ATP8B4: variants seen among roughly 807,000 people sequenced by gnomAD.
The protein encoded by ATP8B4 is probable phospholipid-transporting ATPase IM.
Under a neutral mutation model 145.6 loss-of-function variants are expected in ATP8B4, and 133 were observed. The ratio of observed to expected loss-of-function variants is 0.91; its 90% confidence interval spans 0.79 to 1.05. ATP8B4 has a LOEUF of 1.05. ATP8B4 is among the 50% of genes least tolerant of loss of function. The probability of loss-of-function intolerance (pLI) is 0.00; values close to 1 mark genes in which losing one functional copy is unlikely to be tolerated. For missense variants in ATP8B4, 1,458 were observed against 1,425.2 expected (o/e 1.02, Z -0.37); for synonymous variants, 507 against 492.9 (o/e 1.03, Z -0.38).
At chr15:49,915,972 T>A (rs535496151) in intron 20 of ATP8B4, among the ~76,000 whole-genome samples, 2 of 152,038 alleles carry the variant, frequency 1.3e-5, no homozygotes, top group African/African-American at 4.8e-5. Flanking sequence ...CAGAGACATA[T>A]TTGGGAAGCC....
At chr15:50,043,219 G>C (rs1431448913) in intron 5 of ATP8B4, among the ~76,000 whole-genome samples, 1 of 152,156 alleles carries the variant, frequency 6.6e-6, no homozygotes, top group Non-Finnish European at 1.5e-5. Flanking sequence ...AATTTGTCTG[G>C]ATTTAGAATG....
chr15:50,119,698 G>A (rs1272608068), upstream of ATP8B4, among the ~76,000 whole-genome samples: 1 of 149,376 alleles, frequency 6.7e-6, no homozygotes, highest in African/African-American at 2.5e-5. Flanking sequence ...AAATCTGTTT[G>A]CAGTTCCCAC....
chr15:49,923,311 T>A (rs956471315), intron 17 of ATP8B4, 68 bp downstream of exon 17: 141 of 1,110,122 alleles, frequency 1.3e-4, no homozygotes, highest in Non-Finnish European at 1.5e-4. Context: ...CTATTTTTTT[T>A]AAACAAGACC....
At chr15:49,890,927 T>C (rs1370761363) in intron 23 of ATP8B4, among the ~76,000 whole-genome samples, 1 of 152,222 alleles carries the variant, frequency 6.6e-6, no homozygotes, top group Non-Finnish European at 1.5e-5. Context: ...ACACCTGCTC[T>C]AGAACAGGCT....
intron 1 of ATP8B4, among the ~76,000 whole-genome samples, chr15:50,158,034 GAC>G (rs1289880203): frequency 2.0e-5 from 3 of 152,248 alleles, no homozygotes; most frequent in Admixed American, 6.5e-5. Context: ...CGGGATTGCA[GAC>G]GGAGTCTCGT....
chr15:50,039,660 G>A (rs2051119993), intron 5 of ATP8B4, among the ~76,000 whole-genome samples: 1 of 152,132 alleles, frequency 6.6e-6, no homozygotes. Context: ...AGATGAATAG[G>A]GGTAGTCTTT....
At chr15:50,119,042 AAGAAAC>A (rs879393805) in intron 1 of ATP8B4, 75 bp downstream of exon 1, 1 of 152,200 alleles carries the variant, frequency 6.6e-6, no homozygotes, top group Non-Finnish European at 1.5e-5. Context: ...ATCTGGAGAA[AAGAAAC>A]AGATCGTTCC....
chr15:50,063,658 CT>C (rs2153626334), intron 3 of ATP8B4, among the ~76,000 whole-genome samples: 1 of 152,230 alleles, frequency 6.6e-6, no homozygotes, highest in South Asian at 2.1e-4. Flanking sequence ...TATTAATAAT[CT>C]TTCTCTACTT....
intron 13 of ATP8B4, among the ~76,000 whole-genome samples, chr15:49,966,921 G>A (rs979766590): frequency 6.6e-6 from 1 of 152,192 alleles, no homozygotes; most frequent in Non-Finnish European, 1.5e-5. Context: ...CCAGAGGAAA[G>A]AACAGGCAGC....
At chr15:49,878,940 G>A (rs1162881022) in intron 24 of ATP8B4, among the ~76,000 whole-genome samples, 1 of 152,132 alleles carries the variant, frequency 6.6e-6, no homozygotes, top group African/African-American at 2.4e-5. Context: ...ATCATTGCAT[G>A]GTTCTTTATA....
chr15:50,153,919 T>G (rs2044380528), intron 1 of ATP8B4, among the ~76,000 whole-genome samples: 1 of 152,228 alleles, frequency 6.6e-6, no homozygotes, highest in Non-Finnish European at 1.5e-5. Context: ...CTTCTAATTT[T>G]TACTAAGAGA....
At chr15:49,957,265 A>G (rs2043654389) in intron 14 of ATP8B4, among the ~76,000 whole-genome samples, 1 of 152,138 alleles carries the variant, frequency 6.6e-6, no homozygotes, top group Non-Finnish European at 1.5e-5. Context: ...TGCTGCCTTA[A>G]GAAAAAATTT....
intron 6 of ATP8B4, among the ~76,000 whole-genome samples, chr15:50,030,672 T>G (rs1350304080): frequency 2.0e-5 from 3 of 152,216 alleles, no homozygotes; most frequent in Non-Finnish European, 4.4e-5. Context: ...CCTCTAAGCC[T>G]TTTATGTGAG....
intron 14 of ATP8B4, among the ~76,000 whole-genome samples, chr15:49,943,155 T>G (rs530901344): frequency 2.0e-5 from 3 of 152,080 alleles, no homozygotes; most frequent in Admixed American, 2.0e-4. Flanking sequence ...GACAAGTCAT[T>G]TGTAATTATC....
chr15:49,981,321 C>T, intron 10 of ATP8B4, 27 bp from the exon 11 acceptor site: 2 of 1,504,068 alleles, frequency 1.3e-6, no homozygotes, highest in South Asian at 2.3e-5. Flanking sequence ...AAGTAAATAA[C>T]TTTGAAATGA....
chr15:49,884,516 C>A (rs536663362), intron 23 of ATP8B4, among the ~76,000 whole-genome samples: 1 of 148,436 alleles, frequency 6.7e-6, no homozygotes, highest in Non-Finnish European at 1.5e-5. Context: ...GCAGGAGAAT[C>A]ACTTGAACGT....
At chr15:50,160,832 G>C (rs1196896402) in intron 1 of ATP8B4, among the ~76,000 whole-genome samples, 1 of 151,884 alleles carries the variant, frequency 6.6e-6, no homozygotes, top group Non-Finnish European at 1.5e-5. Flanking sequence ...CTAAGGAGAA[G>C]GACTGTATAT....
intron 1 of ATP8B4, among the ~76,000 whole-genome samples, chr15:50,177,162 G>A (rs1459135986): frequency 6.6e-6 from 1 of 152,178 alleles, no homozygotes; most frequent in African/African-American, 2.4e-5. Flanking sequence ...TTTGTACCAA[G>A]TATGTAATGT....
At chr15:50,163,095 A>ATCTC (rs1022773035) in intron 1 of ATP8B4, among the ~76,000 whole-genome samples, 1 of 152,180 alleles carries the variant, frequency 6.6e-6, no homozygotes, top group African/African-American at 2.4e-5. Context: ...AAGGTCACAT[A>ATCTC]TCTCCATCTC....
Sources: allele counts gnomAD v4.1 joint callset (sites outside exome capture counted in the v4.1 genomes callset), GRCh38; gene constraint gnomAD v4.1.1; transcripts MANE v1.5; gene names NCBI Gene and HGNC (gene_info 2026-07-23, HGNC 2026-07-21).